SGCZ: variants seen among roughly 807,000 people sequenced by gnomAD.
The protein encoded by SGCZ is sarcoglycan zeta.
Under a neutral mutation model 41.3 loss-of-function variants are expected in SGCZ, and 40 were observed. The observed-to-expected ratio is 0.97, with a 90% CI of 0.75 to 1.26. The LOEUF is 1.26. SGCZ is among the 50% of genes most tolerant of loss of function. The probability of loss-of-function intolerance (pLI) is 0.00; values close to 1 mark genes in which losing one functional copy is unlikely to be tolerated. For synonymous variants in SGCZ, 206 were observed against 137.5 expected (o/e 1.50, Z -3.49); for missense variants, 552 against 369.8 (o/e 1.49, Z -4.04).
intron 1 of SGCZ, among the ~76,000 whole-genome samples, chr8:14,886,436 G>C (rs1804807877): frequency 6.6e-6 from 1 of 152,136 alleles, no homozygotes; most frequent in Non-Finnish European, 1.5e-5. Context: ...AAAAGGGTCA[G>C]AGGGTGGACA....
chr8:14,484,916 A>G (rs937415743), intron 2 of SGCZ, among the ~76,000 whole-genome samples: 13 of 152,236 alleles, frequency 8.5e-5, no homozygotes, highest in African/African-American at 1.9e-4. Context: ...ATTATTATAT[A>G]TAAGTATTAC....
At chr8:14,683,513 C>T (rs887753035) in intron 1 of SGCZ, among the ~76,000 whole-genome samples, 4 of 152,052 alleles carry the variant, frequency 2.6e-5, no homozygotes, top group Non-Finnish European at 4.4e-5. Context: ...ACTTGAAACA[C>T]ACAATGTAAA....
At chr8:14,370,941 A>G (rs1248382946) in intron 2 of SGCZ, among the ~76,000 whole-genome samples, 1 of 152,048 alleles carries the variant, frequency 6.6e-6, no homozygotes, top group Non-Finnish European at 1.5e-5. Context: ...GCATGTCTAA[A>G]TATTTTTGCC....
intron 1 of SGCZ, among the ~76,000 whole-genome samples, chr8:14,857,308 G>A (rs929403664): frequency 9.9e-5 from 15 of 152,006 alleles, no homozygotes; most frequent in African/African-American, 3.4e-4. Context: ...CAATTACCCA[G>A]TTGTCAGATA....
intron 2 of SGCZ, among the ~76,000 whole-genome samples, chr8:14,476,921 C>A (rs11995726): frequency 0.054 from 8,201 of 152,228 alleles, 716 homozygotes; most frequent in African/African-American, 0.18. Flanking sequence ...CTATTACATT[C>A]CCCTCGTTGT....
intron 1 of SGCZ, among the ~76,000 whole-genome samples, chr8:15,151,974 T>A (rs897314900): frequency 6.6e-6 from 1 of 152,224 alleles, no homozygotes; most frequent in Non-Finnish European, 1.5e-5. Context: ...TGACGTGATA[T>A]TAAGTGATTC....
chr8:14,716,838 C>G (rs545576402), intron 1 of SGCZ, among the ~76,000 whole-genome samples: 1 of 152,148 alleles, frequency 6.6e-6, no homozygotes, highest in South Asian at 2.1e-4. Flanking sequence ...TGTAATACTC[C>G]TATATTTATA....
rs368056308 is a variant in SGCZ, at chr8:14,613,367, G to A, written c.40-58441C>T. 4.6e-5 allele frequency among the ~76,000 whole-genome samples: 7 copies of A among 152,196 alleles called. No homozygotes were observed. In the East Asian group the frequency reaches 9.7e-4, roughly 21 times the overall value. On this transcript the variant is annotated intron_variant, in intron 1 of 7. Transcript: ENST00000382080. ...AACGTACGATTGGAACCATTTTTAG[G>A]TGGATAATTAACAAAAGAAATAGCA...
At chr8:15,153,572 A>G (rs12541013) in intron 1 of SGCZ, among the ~76,000 whole-genome samples, 32,176 of 151,850 alleles carry the variant, frequency 0.21, 3,799 homozygotes, top group East Asian at 0.47. Context: ...CCGGGGGTAG[A>G]TCCCTCATGA....
intron 2 of SGCZ, among the ~76,000 whole-genome samples, chr8:14,332,901 A>G (rs1266427181): frequency 1.3e-5 from 2 of 148,672 alleles, no homozygotes; most frequent in African/African-American, 4.9e-5. Flanking sequence ...GTGTGTCTAT[A>G]TATCTATACA....
At chr8:14,256,553 G>T (rs887113079) in intron 3 of SGCZ, among the ~76,000 whole-genome samples, 2 of 138,226 alleles carry the variant, frequency 1.4e-5, no homozygotes, top group Non-Finnish European at 3.3e-5. Context: ...TGTTCAGTTG[G>T]AATTACTCTC....
intron 2 of SGCZ, among the ~76,000 whole-genome samples, chr8:14,502,917 C>A (rs1802197041): frequency 6.6e-6 from 1 of 152,112 alleles, no homozygotes; most frequent in Non-Finnish European, 1.5e-5. Flanking sequence ...ACCAGAAATA[C>A]CATTTGACCG....
chr8:14,838,166 G>T (rs1238529451), intron 1 of SGCZ, among the ~76,000 whole-genome samples: 1 of 152,128 alleles, frequency 6.6e-6, no homozygotes, highest in African/African-American at 2.4e-5. Context: ...AGCTAGGAAG[G>T]GTAGTGGGAA....
intron 2 of SGCZ, among the ~76,000 whole-genome samples, chr8:14,377,699 T>A: frequency 6.9e-6 from 1 of 145,982 alleles, no homozygotes; most frequent in Admixed American, 7.0e-5. Context: ...CCCACAACAG[T>A]CCTCAGAGTG....
intron 1 of SGCZ, among the ~76,000 whole-genome samples, chr8:14,868,556 G>A (rs1434694264): frequency 6.6e-6 from 1 of 152,060 alleles, no homozygotes; most frequent in South Asian, 2.1e-4. Context: ...TCGAGTAATT[G>A]ATTTTCTGGA....
intron 1 of SGCZ, among the ~76,000 whole-genome samples, chr8:14,687,344 C>G (rs927460524): frequency 2.7e-5 from 4 of 147,954 alleles, no homozygotes; most frequent in Non-Finnish European, 6.0e-5. Context: ...TCCCTCCCCC[C>G]TCCCCACACC....
intron 3 of SGCZ, among the ~76,000 whole-genome samples, chr8:14,251,421 C>T (rs960038196): frequency 6.6e-6 from 1 of 152,122 alleles, no homozygotes; most frequent in Non-Finnish European, 1.5e-5. Context: ...GCTATGCAGT[C>T]TCTGTCAAAA....
chr8:14,344,953 T>A (rs765138398), intron 2 of SGCZ, among the ~76,000 whole-genome samples: 1 of 152,044 alleles, frequency 6.6e-6, no homozygotes, highest in Non-Finnish European at 1.5e-5. Flanking sequence ...TAGGGCAAAA[T>A]TTTGACAGTA....
chr8:14,747,567 G>A (rs1036088866), intron 1 of SGCZ, among the ~76,000 whole-genome samples: 7 of 151,812 alleles, frequency 4.6e-5, no homozygotes, highest in African/African-American at 1.7e-4. Context: ...AAGTATTTTT[G>A]TATTAATAAT....
Sources: allele counts gnomAD v4.1 joint callset (sites outside exome capture counted in the v4.1 genomes callset), GRCh38; gene constraint gnomAD v4.1.1; transcripts MANE v1.5; gene names NCBI Gene and HGNC (gene_info 2026-07-23, HGNC 2026-07-21).